Variants in CADPS observed in about 807,000 individuals in gnomAD.
The protein encoded by CADPS is calcium dependent secretion activator.
CADPS carries 57 observed loss-of-function variants against 167.3 expected under a neutral mutation model. The ratio of observed to expected loss-of-function variants is 0.34; its 90% confidence interval spans 0.28 to 0.42. The LOEUF (loss-of-function observed/expected upper bound fraction) is 0.42. Among genes scored for constraint, CADPS ranks in the 20% least tolerant of loss-of-function variants. The pLI is 1.00. For synonymous variants in CADPS, 676 were observed against 635.3 expected (o/e 1.06, Z -0.96); for missense variants, 1,414 against 1,738.1 (o/e 0.81, Z 3.32).
intron 8 of CADPS, among the ~76,000 whole-genome samples, chr3:62,582,075 G>A (rs1435304126): frequency 6.6e-6 from 1 of 152,174 alleles, no homozygotes; most frequent in Non-Finnish European, 1.5e-5. Context: ...ATAATTCCCA[G>A]TGATTCTTAT....
At chr3:62,605,261 A>AC (rs1212314509) in intron 6 of CADPS, among the ~76,000 whole-genome samples, 1 of 152,180 alleles carries the variant, frequency 6.6e-6, no homozygotes, top group East Asian at 1.9e-4. Context: ...AAAAAAAAAA[A>AC]AACTGGGAGA....
chr3:62,535,131 T>G (rs565930903), intron 12 of CADPS, among the ~76,000 whole-genome samples: 1 of 152,160 alleles, frequency 6.6e-6, no homozygotes, highest in Non-Finnish European at 1.5e-5. Context: ...CTTACAAGTT[T>G]AATGAATGCC....
intron 19 of CADPS, among the ~76,000 whole-genome samples, chr3:62,492,950 A>G (rs944411672): frequency 1.3e-5 from 2 of 152,226 alleles, no homozygotes; most frequent in African/African-American, 2.4e-5. Flanking sequence ...CACATTGGAA[A>G]TGTTACTCCT....
At position 62,451,737 on chromosome 3, in the gene CADPS, A is replaced by G. The variant is rs546534204; in HGVS notation, c.3637-5940T>C. Among the ~76,000 whole-genome samples the G allele has an allele frequency of 3.3e-5, 5 of 152,160 alleles. No individual in the cohort carries two copies. The South Asian group carries it at 6.2e-4, about 19-fold the overall frequency. Reference sequence around the variant, plus strand: ...GTCCTTTGCCTAGATACTGCAGACCACACCACCACGTCAAAGGGCTAGCAA... The same window carrying G: ...GTCCTTTGCCTAGATACTGCAGACCGCACCACCACGTCAAAGGGCTAGCAA... On this transcript the variant is annotated intron_variant, in intron 26 of 29. Transcript: ENST00000383710.
intron 3 of CADPS, among the ~76,000 whole-genome samples, chr3:62,682,355 G>C (rs78852778): frequency 6.6e-6 from 1 of 152,044 alleles, no homozygotes; most frequent in Non-Finnish European, 1.5e-5. Context: ...AGAATGGACT[G>C]GAGCTTAATT....
At chr3:62,519,401 G>C (rs1434883138) in intron 13 of CADPS, among the ~76,000 whole-genome samples, 2 of 152,096 alleles carry the variant, frequency 1.3e-5, no homozygotes, top group African/African-American at 2.4e-5. Flanking sequence ...CTCCTGTTAC[G>C]GGTTAATCAG....
rs1560144716 is a variant in CADPS at position 62,420,894 on chromosome 3, AC to A, written c.3777+17209del. ...CACACACACACACACACACACACAC[AC>A]ACACACAGGCACACACACACACACT... On this transcript the variant is annotated intron_variant, in intron 28 of 29. Transcript: ENST00000383710. This position sits in a 1 kb window ranked among gnomAD's most constrained non-coding sequence, Gnocchi z 4.1. 2.3e-5 allele frequency among the ~76,000 whole-genome samples: 3 copies of A among 128,784 alleles called. No homozygotes were observed. The highest frequency in any genetic ancestry group is 4.9e-5 in the Non-Finnish European group (3 of 61,822). The allele number at this position is 128,784 out of a possible 152,430, so 84.5% of individuals were successfully genotyped here.
At position 62,731,823 on chromosome 3, in the gene CADPS, A is replaced by G. The variant is rs1175143291; in HGVS notation, c.888+21618T>C. 1.0e-3 allele frequency among the ~76,000 whole-genome samples: 87 copies of G among 82,928 alleles called. 1 individual carries two copies. Among genetic ancestry groups the G allele is most frequent in the African/African-American group, 6.3e-3 (64 of 10,150 alleles). 54.4% of individuals were successfully genotyped at this position (82,928 alleles called of 152,430 possible). Reference sequence around the variant, plus strand: ...TCATATGCAAAAAAAAAAAAAAAAAAAAAAAAAGTAAAGAAGGAAGAAAGG... The same window carrying G: ...TCATATGCAAAAAAAAAAAAAAAAAGAAAAAAAGTAAAGAAGGAAGAAAGG... On this transcript the variant is annotated intron_variant, in intron 3 of 29. Transcript: ENST00000383710.
chr3:62,578,344 C>T (rs1578140950), intron 8 of CADPS, among the ~76,000 whole-genome samples: 1 of 152,126 alleles, frequency 6.6e-6, no homozygotes, highest in African/African-American at 2.4e-5. Context: ...GGTGTGGTGG[C>T]TCACGCCTGT....
intron 3 of CADPS, among the ~76,000 whole-genome samples, chr3:62,709,595 G>A (rs1423635197): frequency 6.6e-6 from 1 of 151,770 alleles, no homozygotes; most frequent in South Asian, 2.1e-4. Flanking sequence ...GCATATGCCC[G>A]ACCTAGCTTA....
chr3:62,549,686 C>T (rs2077028689), intron 11 of CADPS, among the ~76,000 whole-genome samples: 1 of 152,092 alleles, frequency 6.6e-6, no homozygotes, highest in Non-Finnish European at 1.5e-5. Context: ...AATACACTTT[C>T]CTTCATTTAG....
intron 1 of CADPS, among the ~76,000 whole-genome samples, chr3:62,769,226 C>CTTTT (rs34651999): frequency 0.023 from 3,378 of 146,702 alleles, 59 homozygotes; most frequent in South Asian, 0.061. Flanking sequence ...TAATTCTCAT[C>CTTTT]TTTTTTTTTT....
intron 3 of CADPS, among the ~76,000 whole-genome samples, chr3:62,731,594 A>C (rs2077811687): frequency 6.6e-6 from 1 of 152,036 alleles, no homozygotes; most frequent in South Asian, 2.1e-4. Context: ...CTGGTTCTAA[A>C]CTTCTGAAAA....
intron 13 of CADPS, among the ~76,000 whole-genome samples, chr3:62,522,825 T>G (rs535361310): frequency 2.4e-4 from 37 of 152,270 alleles, no homozygotes; most frequent in Admixed American, 1.3e-3. Flanking sequence ...ATCATGATCC[T>G]GCAAACTTGA....
chr3:62,824,885 T>C (rs1163637860), intron 1 of CADPS, among the ~76,000 whole-genome samples: 1 of 152,128 alleles, frequency 6.6e-6, no homozygotes, highest in Non-Finnish European at 1.5e-5. Flanking sequence ...CACATACACA[T>C]GCTACAAAAC....
Position 62,438,441 on chromosome 3 carries a change from G to A in CADPS, c.3670-230C>T. ...GCTAAGAAGGGCATTGAGATTGTAG[G>A]ATTTTATAAATAGTTTTTCTATGAT... On this transcript the variant is annotated intron_variant, in intron 27 of 29. Coordinates refer to ENST00000383710, the MANE Select transcript of CADPS (RefSeq NM_003716.4). The surrounding 1 kb of genome is among the most constrained non-coding windows in gnomAD (Gnocchi z 4.7). The A allele has an allele frequency of 2.2e-6, 1 of 449,084 alleles. No homozygotes were observed. Among genetic ancestry groups the A allele is most frequent in the African/African-American group, 2.0e-5 (1 of 49,808 alleles). 27.8% of individuals were successfully genotyped at this position (449,084 alleles called of 1,614,324 possible).
chr3:62,549,793 A>C, intron 11 of CADPS, 110 bp downstream of exon 11: 1 of 835,788 alleles, frequency 1.2e-6, no homozygotes, highest in South Asian at 1.8e-5. Flanking sequence ...TTTTCAGCAA[A>C]CATGATTTTA....
At chr3:62,866,120 G>T (rs2081627158) in intron 1 of CADPS, among the ~76,000 whole-genome samples, 1 of 152,084 alleles carries the variant, frequency 6.6e-6, no homozygotes, top group African/African-American at 2.4e-5. Context: ...TTCACCCATT[G>T]CAAGGGATTC....
intron 21 of CADPS, among the ~76,000 whole-genome samples, chr3:62,486,117 A>G (rs1402193587): frequency 6.6e-6 from 1 of 152,190 alleles, no homozygotes; most frequent in Non-Finnish European, 1.5e-5. Flanking sequence ...ATTATGTTTT[A>G]TATCTTAAAT....
Sources: allele counts gnomAD v4.1 joint callset (sites outside exome capture counted in the v4.1 genomes callset), GRCh38; gene constraint gnomAD v4.1.1; non-coding constraint Gnocchi (gnomAD v3.1); transcripts MANE v1.5; gene names NCBI Gene and HGNC (gene_info 2026-07-23, HGNC 2026-07-21).